AGBL1: variants seen among roughly 807,000 people sequenced by gnomAD.
AGBL1 encodes the protein cytosolic carboxypeptidase 4.
AGBL1 carries 130 observed loss-of-function variants against 118.9 expected under a neutral mutation model. That is an observed-to-expected ratio of 1.09 (90% CI 0.95 to 1.26). The LOEUF (loss-of-function observed/expected upper bound fraction) is 1.26. Ranked by LOEUF, AGBL1 falls within the 50% of genes most tolerant of loss-of-function variation. The pLI is 0.00. For missense variants in AGBL1, 1,584 were observed against 1,298.1 expected (o/e 1.22, Z -3.38); for synonymous variants, 555 against 478.9 (o/e 1.16, Z -2.08).
intron 18 of AGBL1, among the ~76,000 whole-genome samples, chr15:86,409,753 T>A (rs7180450): frequency 1.3e-5 from 2 of 152,116 alleles, no homozygotes; most frequent in Non-Finnish European, 2.9e-5. Flanking sequence ...ATTGATCAAG[T>A]TGGGGCTGAG....
intron 9 of AGBL1, 136 bp downstream of exon 9, chr15:86,258,167 T>C (rs2067711136): frequency 1.2e-6 from 1 of 810,488 alleles, no homozygotes; most frequent in Non-Finnish European, 2.0e-6. Context: ...GTGGTCGTGA[T>C]GCGCAGTAAA....
chr15:86,809,635 C>A (rs933576181), intron 22 of AGBL1, among the ~76,000 whole-genome samples: 3 of 152,160 alleles, frequency 2.0e-5, no homozygotes, highest in Non-Finnish European at 4.4e-5. Flanking sequence ...TTGAGAAATG[C>A]AGGCAGTCCT....
intron 1 of AGBL1, among the ~76,000 whole-genome samples, chr15:86,127,047 G>T (rs1451019549): frequency 6.6e-6 from 1 of 152,142 alleles, no homozygotes; most frequent in African/African-American, 2.4e-5. Flanking sequence ...ATACAGACAG[G>T]ATGGGTAATC....
intron 23 of AGBL1, among the ~76,000 whole-genome samples, chr15:86,942,554 A>G (rs2080766828): frequency 6.6e-6 from 1 of 152,322 alleles, no homozygotes; most frequent in African/African-American, 2.4e-5. Context: ...ACATCTGAAG[A>G]GACATAGATT....
At chr15:86,831,316 A>G (rs1292795942) in intron 22 of AGBL1, among the ~76,000 whole-genome samples, 1 of 152,236 alleles carries the variant, frequency 6.6e-6, no homozygotes, top group East Asian at 1.9e-4. Context: ...TGCCTTCTCA[A>G]CAGTTCCTCA....
chr15:86,405,237 C>A (rs907981135), intron 18 of AGBL1, among the ~76,000 whole-genome samples: 1 of 151,568 alleles, frequency 6.6e-6, no homozygotes, highest in Admixed American at 6.6e-5. Context: ...CCTGGCCGGG[C>A]GCGGTGGCTC....
At chr15:86,116,076 G>A (rs188823705) in intron 1 of AGBL1, among the ~76,000 whole-genome samples, 1 of 152,232 alleles carries the variant, frequency 6.6e-6, no homozygotes, top group East Asian at 1.9e-4. Context: ...CACTAAAATA[G>A]GCAGGGAACC....
intron 24 of AGBL1, among the ~76,000 whole-genome samples, chr15:86,997,786 A>T (rs1596721943): frequency 1.3e-5 from 2 of 151,892 alleles, no homozygotes; most frequent in African/African-American, 4.8e-5. Flanking sequence ...CTTAATGGAA[A>T]ACCTAATATA....
At chr15:86,599,091 C>A (rs2084452738) in intron 21 of AGBL1, among the ~76,000 whole-genome samples, 1 of 152,062 alleles carries the variant, frequency 6.6e-6, no homozygotes, top group Non-Finnish European at 1.5e-5. Context: ...CGTTGATAAT[C>A]CTGTCGGGAG....
In AGBL1 at chr15:86,663,806, C is replaced by G. The variant is rs1224186487; in HGVS notation, c.2995-10467C>G. 4.6e-5 allele frequency among the ~76,000 whole-genome samples: 7 copies of G among 152,162 alleles called. No homozygotes were observed. In the East Asian group the frequency reaches 1.3e-3, roughly 29 times the overall value. On this transcript the variant is annotated intron_variant, in intron 21 of 22. Transcript: ENST00000614907. ...AGGGACTATTTCTGTCACTCTGGCTCTACTGCTACTTAATTACATAACTTT... is the reference window on the plus strand; with the variant it reads ...AGGGACTATTTCTGTCACTCTGGCTGTACTGCTACTTAATTACATAACTTT...
At chr15:86,979,995 C>G (rs1224265270) in intron 23 of AGBL1, among the ~76,000 whole-genome samples, 2 of 152,254 alleles carry the variant, frequency 1.3e-5, no homozygotes, top group East Asian at 1.9e-4. Context: ...TTTTCCCTTC[C>G]TCTCCCCTAA....
At chr15:86,523,195 T>G (rs2083213432) in intron 19 of AGBL1, among the ~76,000 whole-genome samples, 1 of 152,192 alleles carries the variant, frequency 6.6e-6, no homozygotes, top group African/African-American at 2.4e-5. Context: ...GTTGGCAGGA[T>G]CATGCCCACT....
chr15:86,939,394 C>G (rs886942092), intron 23 of AGBL1, among the ~76,000 whole-genome samples: 2 of 152,186 alleles, frequency 1.3e-5, no homozygotes, highest in Non-Finnish European at 2.9e-5. Context: ...CTTTTGGACT[C>G]TTGGACTTAC....
intron 1 of AGBL1, among the ~76,000 whole-genome samples, chr15:86,113,233 TTTTCTTTTCTTTTCTTTTCTTTTC>T (rs201825382): frequency 0.13 from 14,183 of 107,806 alleles, 872 homozygotes; most frequent in East Asian, 0.25. Flanking sequence ...TTTTCTTTTC[TTTTCTTTTCTTTTCTTTTCTTTTC>T]TTTCTTTCTT....
chr15:86,217,624 A>T (rs550412637), intron 5 of AGBL1, among the ~76,000 whole-genome samples: 1 of 152,350 alleles, frequency 6.6e-6, no homozygotes, highest in Non-Finnish European at 1.5e-5. Flanking sequence ...TAAAGGATAA[A>T]GTATGAGATA....
In AGBL1 at chr15:86,601,461, G is replaced by C. The variant is rs113206628; in HGVS notation, c.2994+46924G>C. Among the ~76,000 whole-genome samples the C allele has an allele frequency of 2.9e-3, 440 of 152,296 alleles. 1 individual carries two copies. The highest frequency in any genetic ancestry group is 0.01 in the African/African-American group (423 of 41,584). ...AATAGGTAGTGAATTTCACAAAAAT[G>C]TGGCTTTAAAGCTAAGCTTTGATCA... is the stretch of plus-strand genomic sequence containing the variant. On this transcript the variant is annotated intron_variant, in intron 21 of 22. Transcript: ENST00000614907.
intron 24 of AGBL1, among the ~76,000 whole-genome samples, chr15:87,013,204 A>T (rs936051839): frequency 3.3e-5 from 5 of 152,116 alleles, no homozygotes; most frequent in African/African-American, 1.2e-4. Context: ...TCCTCATTTT[A>T]TTAAATAATC....
intron 18 of AGBL1, among the ~76,000 whole-genome samples, chr15:86,488,515 G>A (rs542975192): frequency 7.2e-5 from 11 of 152,128 alleles, no homozygotes; most frequent in African/African-American, 2.6e-4. Flanking sequence ...CTCAGATGCG[G>A]TCCTAAGATA....
chr15:86,114,174 C>A (rs1235656956), intron 1 of AGBL1, among the ~76,000 whole-genome samples: 2 of 152,336 alleles, frequency 1.3e-5, no homozygotes, highest in Non-Finnish European at 2.9e-5. Flanking sequence ...TTAAGGGACT[C>A]TTTATATATA....
Sources: allele counts gnomAD v4.1 joint callset (sites outside exome capture counted in the v4.1 genomes callset), GRCh38; gene constraint gnomAD v4.1.1; transcripts MANE v1.5; gene names NCBI Gene and HGNC (gene_info 2026-07-23, HGNC 2026-07-21).